DNAH6: variants seen among roughly 807,000 people sequenced by gnomAD.
DNAH6 encodes the protein dynein axonemal heavy chain 6.
In DNAH6, 340 loss-of-function variants were observed where a neutral mutation model predicts 491.4. The ratio of observed to expected loss-of-function variants is 0.69; its 90% confidence interval spans 0.63 to 0.76. The LOEUF (loss-of-function observed/expected upper bound fraction) is 0.76, where lower values mean the gene tolerates loss of function less well. Among genes scored for constraint, DNAH6 ranks in the 30% least tolerant of loss-of-function variants. The pLI, the probability that DNAH6 is intolerant of heterozygous loss-of-function variation, is 0.00. For missense variants in DNAH6, 4,443 were observed against 4,972.2 expected (o/e 0.89, Z 3.20); for synonymous variants, 1,603 against 1,686.1 (o/e 0.95, Z 1.21).
At chr2:84,463,566 G>A in the DNAH6 span, among the ~76,000 whole-genome samples, 2 of 152,112 alleles carry the variant, frequency 1.3e-5, no homozygotes, top group African/African-American at 2.4e-5. Context: ...TTTTTTGTGT[G>A]TGTATTCAAG....
intron 62 of DNAH6, among the ~76,000 whole-genome samples, chr2:84,736,024 A>T (rs1442083131): frequency 2.6e-5 from 4 of 151,964 alleles, no homozygotes; most frequent in Non-Finnish European, 4.4e-5. Flanking sequence ...CCTTGAGTTA[A>T]TTTTTATATA....
intron 21 of DNAH6, among the ~76,000 whole-genome samples, chr2:84,608,900 T>C (rs1315938932): frequency 6.6e-6 from 1 of 152,230 alleles, no homozygotes; most frequent in Non-Finnish European, 1.5e-5. Flanking sequence ...TGAAAATCTG[T>C]TGTTGAGAGT....
rs868464705 is a variant in DNAH6 at position 84,773,273 on chromosome 2, T to A, written c.10704-8220T>A. On this transcript the variant is annotated intron_variant, in intron 64 of 76. Transcript: ENST00000389394. ...TTTTTCCAATCTTTATGTCCATGTGTACCCATTGTTTAGGTTCCCCTTATA... is the reference window on the plus strand; with the variant it reads ...TTTTTCCAATCTTTATGTCCATGTGAACCCATTGTTTAGGTTCCCCTTATA... Among the ~76,000 whole-genome samples the A allele has an allele frequency of 3.3e-5, 5 of 152,176 alleles. No homozygotes were observed. The South Asian group carries it at 1.0e-3, about 32-fold the overall frequency.
chr2:84,711,090 A>G (rs1245331740), intron 56 of DNAH6, among the ~76,000 whole-genome samples: 2 of 152,116 alleles, frequency 1.3e-5, no homozygotes, highest in African/African-American at 4.8e-5. Context: ...AAGAAATGAG[A>G]GAGGGAGGGG....
At chr2:84,752,193 A>G (rs1485723310) in intron 63 of DNAH6, among the ~76,000 whole-genome samples, 2 of 152,194 alleles carry the variant, frequency 1.3e-5, no homozygotes, top group East Asian at 1.9e-4. Flanking sequence ...GTTTTTCCCA[A>G]TTTGGTAAAA....
intron 23 of DNAH6, among the ~76,000 whole-genome samples, chr2:84,618,909 G>A (rs1405898710): frequency 6.6e-6 from 1 of 152,114 alleles, no homozygotes; most frequent in Non-Finnish European, 1.5e-5. Context: ...CACAAAGGGA[G>A]CCACAGACAG....
At chr2:84,769,228 A>G (rs1675382792) in intron 64 of DNAH6, among the ~76,000 whole-genome samples, 1 of 152,236 alleles carries the variant, frequency 6.6e-6, no homozygotes, top group Non-Finnish European at 1.5e-5. Flanking sequence ...CGGGCAACCA[A>G]GATAAAGACA....
the DNAH6 span, among the ~76,000 whole-genome samples, chr2:84,478,394 C>G: frequency 9.5e-4 from 144 of 152,152 alleles, no homozygotes; most frequent in African/African-American, 3.4e-3. Flanking sequence ...GTTGCCTTTC[C>G]CAAAAAATGA....
chr2:84,735,572 A>G (rs1007415858), intron 62 of DNAH6, among the ~76,000 whole-genome samples: 1 of 152,142 alleles, frequency 6.6e-6, no homozygotes, highest in Non-Finnish European at 1.5e-5. Flanking sequence ...TTGACTTTTT[A>G]ATAATAGCCT....
chr2:84,819,528 A>G lies in DNAH6; in HGVS notation c.*120A>G. ...GTTAATTCTGATTTGACTTAAACGT[A>G]TTGTGACTTTTATTTCTCTTATGAC... On this transcript the variant is annotated 3_prime_UTR_variant, in exon 77 of 77. Coordinates refer to ENST00000389394, the MANE Select transcript of DNAH6 (RefSeq NM_001370.2). 1.7e-6 allele frequency: 1 copy of G among 599,342 alleles called. No homozygotes were observed. Among genetic ancestry groups the G allele is most frequent in the Non-Finnish European group, 2.8e-6 (1 of 353,630 alleles). The allele number at this position is 599,342 out of a possible 1,614,324, so 37.1% of individuals were successfully genotyped here.
intron 61 of DNAH6, among the ~76,000 whole-genome samples, chr2:84,729,074 C>T (rs1043907603): frequency 6.6e-6 from 1 of 152,170 alleles, no homozygotes; most frequent in African/African-American, 2.4e-5. Flanking sequence ...ATCTCTCCAC[C>T]AGATGTTCCT....
In DNAH6 at chr2:84,611,772, C is replaced by T. The variant is rs924035157; in HGVS notation, c.3393C>T (p.Phe1131=). ...AATTGCCTGCAGAGGCCAAGATGTT[C>T]CTTCAGGTGGATAAGTCATGGAAAG... The part of the protein sequence containing the change: ...QRQLPAEAKM[F]LQVDKSWKEI... Residue 1131 remains phenylalanine (F), a synonymous_variant, in exon 22 of 77, where the codon TTC becomes TTT. Transcript: ENST00000389394. The T allele has an allele frequency of 5.8e-6, 9 of 1,551,102 alleles. No homozygotes were observed. The African/African-American group carries it at 1.1e-4, about 19-fold the overall frequency.
In DNAH6 at chr2:84,727,727, A is replaced by G; in HGVS notation, c.10031A>G (p.Asp3344Gly). 1 of 1,551,670 alleles carries G rather than the reference A, an allele frequency of 6.4e-7. No individual in the cohort carries two copies. Among genetic ancestry groups the G allele is most frequent in the South Asian group, 1.2e-5 (1 of 84,064 alleles). ...VKTENLQQRL[D>G]VLLEQTLLTA... is the part of the protein sequence containing the mutation. ...ACAGAAAATCTACAACAGCGCCTGG[A>G]CGTACTACTAGAACAAACTCTCCTA... Residue 3344 changes from aspartate to glycine, a missense_variant, in exon 61 of 77, where the codon GAC becomes GGC. Physicochemically the swap from Asp to Gly is moderately conservative, Grantham distance 94. Around this residue, in one of 3 missense-constraint regions of DNAH6, gnomAD observed 1,463 missense variants for 1,656.6 expected, o/e 0.88. Coordinates refer to ENST00000389394, the MANE Select transcript of DNAH6 (RefSeq NM_001370.2).
chr2:84,719,869 A>AACACAC lies in DNAH6; in HGVS notation c.9792+1509_9792+1514dup, dbSNP rs72442165. On this transcript the variant is annotated intron_variant, in intron 59 of 76. Transcript: ENST00000389394. ...TGTCTTAACTGTTATCTGTACCTCT[A>AACACAC]ACACACACACACACACACACACACA... Among the ~76,000 whole-genome samples the AACACAC allele has an allele frequency of 2.3e-4, 33 of 144,778 alleles. 1 individual carries two copies. Among genetic ancestry groups the AACACAC allele is most frequent in the South Asian group, 1.1e-3 (5 of 4,470 alleles). 95.0% of individuals were successfully genotyped at this position (144,778 alleles called of 152,430 possible).
intron 66 of DNAH6, 51 bp from the exon 67 acceptor site, chr2:84,785,559 G>T: frequency 6.9e-7 from 1 of 1,449,078 alleles, no homozygotes. Context: ...CAGAAATAAT[G>T]CAAATCTATA....
At chr2:84,642,903 T>C (rs1486015708) in intron 33 of DNAH6, among the ~76,000 whole-genome samples, 1 of 152,158 alleles carries the variant, frequency 6.6e-6, no homozygotes, top group African/African-American at 2.4e-5. Context: ...CTGTTGTCTG[T>C]TAGATCAATT....
At chr2:84,485,962 A>G in the DNAH6 span, among the ~76,000 whole-genome samples, 1 of 152,078 alleles carries the variant, frequency 6.6e-6, no homozygotes, top group African/African-American at 2.4e-5. Context: ...TTGAAACAAA[A>G]GTTTTAAATG....
At chr2:84,730,876 T>C (rs1452899689) in intron 61 of DNAH6, among the ~76,000 whole-genome samples, 1 of 152,206 alleles carries the variant, frequency 6.6e-6, no homozygotes, top group East Asian at 1.9e-4. Context: ...TAGATATTTA[T>C]AAATGCCTAT....
intron 63 of DNAH6, among the ~76,000 whole-genome samples, chr2:84,747,567 G>A (rs539310914): frequency 6.6e-6 from 1 of 152,140 alleles, no homozygotes; most frequent in Non-Finnish European, 1.5e-5. Flanking sequence ...TGCCCTGCTG[G>A]GTTGTAGTTG....
Sources: gnomAD v4.1 joint callset for allele counts (sites outside exome capture counted in the v4.1 genomes callset) on GRCh38, gnomAD v4.1.1 for gene constraint, gnomAD v4.1.1 regional missense constraint, MANE v1.5 for transcripts, NCBI Gene and HGNC (gene_info 2026-07-23, HGNC 2026-07-21) for gene names.